CAP1: variants seen among roughly 807,000 people sequenced by gnomAD.
CAP1 encodes the protein adenylyl cyclase-associated protein 1.
CAP1 carries 11 observed loss-of-function variants against 58.2 expected under a neutral mutation model. The ratio of observed to expected loss-of-function variants is 0.19; its 90% confidence interval spans 0.12 to 0.31. CAP1 has a LOEUF of 0.31. Ranked by LOEUF, CAP1 falls within the 10% of genes least tolerant of loss-of-function variation. The probability of loss-of-function intolerance (pLI) is 1.00; values close to 1 mark genes in which losing one functional copy is unlikely to be tolerated. For missense variants in CAP1, 423 were observed against 587.5 expected (o/e 0.72, Z 2.89); for synonymous variants, 183 against 213.8 (o/e 0.86, Z 1.26).
intron 5 of CAP1, 21 bp from the exon 6 acceptor site, chr1:40,064,453 T>C (rs1235760092): frequency 6.2e-7 from 1 of 1,611,952 alleles, no homozygotes; most frequent in Admixed American, 1.7e-5. Context: ...CCTGAGTCAC[T>C]GACAGCTTGT....
chr1:40,061,761 G>T lies in CAP1; in HGVS notation c.243G>T (p.Lys81Asn), dbSNP rs1454244116. The T allele has an allele frequency of 6.2e-7, 1 of 1,614,138 alleles. No individual in the cohort carries two copies. Among genetic ancestry groups the T allele is most frequent in the Non-Finnish European group, 8.5e-7 (1 of 1,179,992 alleles). Residue 81 changes from lysine to asparagine, a missense_variant, in exon 4 of 13, where the codon AAG (lysine) becomes AAT (asparagine). Transcript: ENST00000372805. ...CGGAGATGGTCCACACAGGTTTGAA[G>T]TTGGAGCGAGCTCTGTTGGTTACAG... ...KHAEMVHTGL[K>N]LERALLVTAS...
intron 1 of CAP1, among the ~76,000 whole-genome samples, chr1:40,051,026 A>C (rs562218140): frequency 2.0e-5 from 3 of 151,926 alleles, no homozygotes; most frequent in Admixed American, 6.6e-5. Context: ...TTTGCTTTTG[A>C]CTTGCTCTGG....
At position 40,070,477 on chromosome 1, in the gene CAP1, G is replaced by A; in HGVS notation, c.1165G>A (p.Val389Met). Reference sequence around the variant, plus strand: ...GGTATTCGATGACGTGGTGGGCATTGTGGAGATAATCAACAGTAAGGATGT... The same window carrying A: ...GGTATTCGATGACGTGGTGGGCATTATGGAGATAATCAACAGTAAGGATGT... Reference protein sequence around the residue: ...GLVFDDVVGIVEIINSKDVKV... With the variant: ...GLVFDDVVGIMEIINSKDVKV... Residue 389 changes from valine (V) to methionine (M), a missense_variant, in exon 11 of 13, where the codon GTG (valine) becomes ATG (methionine). Coordinates refer to ENST00000372805, the MANE Select transcript of CAP1 (RefSeq NM_006367.4). The A allele has an allele frequency of 1.2e-6, 2 of 1,614,134 alleles. No homozygotes were observed. The highest frequency in any genetic ancestry group is 1.7e-6 in the Non-Finnish European group (2 of 1,179,992).
At chr1:40,061,359 G>C (rs1023163902) in intron 3 of CAP1, among the ~76,000 whole-genome samples, 1 of 152,174 alleles carries the variant, frequency 6.6e-6, no homozygotes, top group African/African-American at 2.4e-5. Flanking sequence ...CTTTACTCCT[G>C]TCTCCAATTT....
intron 9 of CAP1, 128 bp downstream of exon 9, chr1:40,070,002 CG>C: frequency 7.2e-7 from 1 of 1,386,758 alleles, no homozygotes; most frequent in Non-Finnish European, 9.8e-7. Flanking sequence ...CTCCGCCTCC[CG>C]GGGAAAAGGA....
rs1373175545 is a variant in CAP1, at chr1:40,040,740, G to A, written c.-72G>A. 1 of 152,988 alleles carries A rather than the reference G, an allele frequency of 6.5e-6. No individual in the cohort carries two copies. The highest frequency in any genetic ancestry group is 1.5e-5 in the Non-Finnish European group (1 of 68,292). 9.5% of individuals were successfully genotyped at this position (152,988 alleles called of 1,614,324 possible). ...AAGTGGGTCGCGCGGAGATTGCTGG[G>A]CGGTTCTTGCCGGAAGCGGAGAGCG... is the stretch of plus-strand genomic sequence containing the variant. On this transcript the variant is annotated 5_prime_UTR_variant, in exon 1 of 13. Transcript: ENST00000372805.
intron 2 of CAP1, 105 bp from the exon 3 acceptor site, chr1:40,059,962 C>T: frequency 1.2e-6 from 1 of 838,532 alleles, no homozygotes; most frequent in Non-Finnish European, 2.0e-6. Context: ...TGTTCTGTAT[C>T]CTGTTGACTG....
intron 1 of CAP1, chr1:40,041,053 G>A (rs11803302): frequency 0.14 from 21,244 of 152,570 alleles, 1,765 homozygotes; most frequent in East Asian, 0.23. Flanking sequence ...CTTCAGCGGA[G>A]GCCTGATTCC....
intron 1 of CAP1, among the ~76,000 whole-genome samples, chr1:40,050,325 G>T (rs1490351304): frequency 1.0e-4 from 4 of 38,442 alleles, no homozygotes; most frequent in African/African-American, 4.0e-4. Flanking sequence ...GCCTAAAGAT[G>T]ATTATTTACA....
intron 1 of CAP1, among the ~76,000 whole-genome samples, chr1:40,057,950 C>T (rs1046602383): frequency 1.3e-5 from 2 of 152,168 alleles, no homozygotes; most frequent in Non-Finnish European, 2.9e-5. Context: ...TTATGGGCAA[C>T]TTTTAGCACC....
chr1:40,052,024 T>A (rs1244487547), intron 1 of CAP1, among the ~76,000 whole-genome samples: 1 of 152,228 alleles, frequency 6.6e-6, no homozygotes, highest in African/African-American at 2.4e-5. Context: ...ATTTCTTCAG[T>A]AGGCCCACAA....
At chr1:40,070,761 C>T in intron 11 of CAP1, 75 bp from the exon 12 acceptor site, 1 of 1,338,934 alleles carries the variant, frequency 7.5e-7, no homozygotes, top group South Asian at 1.3e-5. Flanking sequence ...TCACGTGAAA[C>T]AGGAAACCTT....
chr1:40,041,771 A>C (rs1180306346), intron 1 of CAP1, among the ~76,000 whole-genome samples: 1 of 152,228 alleles, frequency 6.6e-6, no homozygotes, highest in African/African-American at 2.4e-5. Context: ...TTTAAGAAGT[A>C]ATTATAAATG....
intron 6 of CAP1, among the ~76,000 whole-genome samples, chr1:40,065,061 CCTT>C: frequency 6.6e-6 from 1 of 152,310 alleles, no homozygotes; most frequent in African/African-American, 2.4e-5. Context: ...TGCTTTCTCT[CCTT>C]TTTTGGTAGA....
At position 40,059,812 on chromosome 1, in the gene CAP1, A is replaced by C. The variant is rs189745181; in HGVS notation, c.113-255A>C. Among the ~76,000 whole-genome samples, 271 of 152,372 alleles carry C rather than the reference A, an allele frequency of 1.8e-3. 2 individuals are homozygous for C. The highest frequency in any genetic ancestry group is 5.9e-3 in the African/African-American group (247 of 41,594). On this transcript the variant is annotated intron_variant, in intron 2 of 12. Coordinates refer to ENST00000372805, the MANE Select transcript of CAP1 (RefSeq NM_006367.4). ...TTGGAACATAGAATGTTAGCACTAA[A>C]AAAAACCTTGGAGGATCATTTTGTT...
chr1:40,054,692 A>T (rs1646534931), intron 1 of CAP1, among the ~76,000 whole-genome samples: 1 of 152,090 alleles, frequency 6.6e-6, no homozygotes, highest in South Asian at 2.1e-4. Context: ...CCCAGGCTGG[A>T]GTGCAGTGGT....
chr1:40,061,033 A>G (rs140870213), intron 3 of CAP1, among the ~76,000 whole-genome samples: 1 of 152,324 alleles, frequency 6.6e-6, no homozygotes, highest in East Asian at 1.9e-4. Flanking sequence ...TTGTATTTTA[A>G]TAGTGCTTAC....
intron 1 of CAP1, among the ~76,000 whole-genome samples, chr1:40,055,226 G>A (rs1293938950): frequency 6.6e-6 from 1 of 152,166 alleles, no homozygotes. Context: ...GAAAGGTGTA[G>A]CAAGAGATAA....
chr1:40,069,942 C>T, intron 9 of CAP1, 68 bp downstream of exon 9: 1 of 1,464,532 alleles, frequency 6.8e-7, no homozygotes, highest in African/African-American at 1.4e-5. Flanking sequence ...TGGAGTTTCA[C>T]TTTGTCGCCC....
Sources: allele counts gnomAD v4.1 joint callset (sites outside exome capture counted in the v4.1 genomes callset), GRCh38; gene constraint gnomAD v4.1.1; transcripts MANE v1.5; gene names NCBI Gene and HGNC (gene_info 2026-07-23, HGNC 2026-07-21).